KCNMA1: variants seen among roughly 807,000 people sequenced by gnomAD.
KCNMA1 encodes the protein potassium calcium-activated channel subfamily M alpha 1.
In KCNMA1, 29 loss-of-function variants were observed where a neutral mutation model predicts 140.0. The observed-to-expected ratio is 0.21, with a 90% CI of 0.15 to 0.28. The LOEUF (loss-of-function observed/expected upper bound fraction) is 0.28, where lower values mean the gene tolerates loss of function less well. Ranked by LOEUF, KCNMA1 falls within the 10% of genes least tolerant of loss-of-function variation. KCNMA1 has a pLI of 1.00. For missense variants in KCNMA1, 880 were observed against 1,602.2 expected (o/e 0.55, Z 7.70); for synonymous variants, 612 against 611.9 (o/e 1.00, Z 0.00).
intron 13 of KCNMA1, among the ~76,000 whole-genome samples, chr10:77,076,596 T>C (rs903011281): frequency 6.6e-6 from 1 of 152,156 alleles, no homozygotes; most frequent in Non-Finnish European, 1.5e-5. Flanking sequence ...GTGGTGGCCA[T>C]GATTTGTGCC....
At chr10:77,490,554 T>C (rs1276926393) in intron 1 of KCNMA1, among the ~76,000 whole-genome samples, 8 of 152,180 alleles carry the variant, frequency 5.3e-5, no homozygotes, top group Admixed American at 3.9e-4. Flanking sequence ...AACGATAGAG[T>C]GTGTAGAGTG....
At chr10:77,566,298 G>A (rs1241256955) in intron 1 of KCNMA1, among the ~76,000 whole-genome samples, 1 of 152,122 alleles carries the variant, frequency 6.6e-6, no homozygotes, top group Non-Finnish European at 1.5e-5. Flanking sequence ...TGATCTCCCT[G>A]GTCTCCCAGG....
intron 23 of KCNMA1, among the ~76,000 whole-genome samples, chr10:76,922,684 A>T (rs2056307180): frequency 6.6e-6 from 1 of 152,240 alleles, no homozygotes; most frequent in South Asian, 2.1e-4. Context: ...ATGAACCAAG[A>T]GGTGGAGAGA....
chr10:76,917,924 A>G (rs759193220), intron 23 of KCNMA1, among the ~76,000 whole-genome samples: 1 of 152,232 alleles, frequency 6.6e-6, no homozygotes, highest in African/African-American at 2.4e-5. Flanking sequence ...TGGAGAGAAG[A>G]GAAATTCAAG....
chr10:77,514,625 A>G (rs1223252297), intron 1 of KCNMA1, among the ~76,000 whole-genome samples: 5 of 152,196 alleles, frequency 3.3e-5, no homozygotes, highest in African/African-American at 1.2e-4. Flanking sequence ...GTATGCGGAG[A>G]GAGAACCATC....
chr10:77,240,227 T>G (rs571548143), intron 3 of KCNMA1, among the ~76,000 whole-genome samples: 6 of 152,354 alleles, frequency 3.9e-5, no homozygotes, highest in Admixed American at 2.6e-4. Context: ...AGTGTATGTT[T>G]ATGAGCTTCT....
chr10:77,497,320 T>C (rs911860971), intron 1 of KCNMA1, among the ~76,000 whole-genome samples: 11 of 152,230 alleles, frequency 7.2e-5, no homozygotes, highest in Non-Finnish European at 1.2e-4. Context: ...GGTACCTCAG[T>C]AGACATGATG....
chr10:77,188,711 A>G (rs1485588201), intron 3 of KCNMA1, among the ~76,000 whole-genome samples: 1 of 152,230 alleles, frequency 6.6e-6, no homozygotes, highest in Non-Finnish European at 1.5e-5. Flanking sequence ...CTCTTTCCTC[A>G]TCTACTTAGT....
intron 2 of KCNMA1, among the ~76,000 whole-genome samples, chr10:77,350,997 G>A (rs2092806429): frequency 4.6e-5 from 7 of 152,186 alleles, no homozygotes; most frequent in Admixed American, 4.6e-4. Context: ...TGTGCTATAT[G>A]TTGGAGTCTA....
At chr10:77,072,542 G>A (rs182862784) in intron 14 of KCNMA1, among the ~76,000 whole-genome samples, 4 of 152,204 alleles carry the variant, frequency 2.6e-5, no homozygotes, top group Middle Eastern at 3.4e-3. Context: ...CCTGTCTCTC[G>A]GTGCAAAGGG....
intron 14 of KCNMA1, among the ~76,000 whole-genome samples, chr10:77,056,025 A>G (rs1242481736): frequency 6.6e-6 from 1 of 152,182 alleles, no homozygotes; most frequent in Non-Finnish European, 1.5e-5. Flanking sequence ...CAACGCTTTG[A>G]AAACTCAACT....
intron 3 of KCNMA1, among the ~76,000 whole-genome samples, chr10:77,242,049 T>C (rs1057355559): frequency 1.3e-5 from 2 of 152,122 alleles, no homozygotes; most frequent in African/African-American, 4.8e-5. Context: ...AAGCTCATTT[T>C]ACTGCAGACT....
intron 20 of KCNMA1, among the ~76,000 whole-genome samples, chr10:76,961,886 G>C (rs983951901): frequency 6.6e-6 from 1 of 152,198 alleles, no homozygotes; most frequent in Non-Finnish European, 1.5e-5. Context: ...AAAAAAATGT[G>C]TGTTACTTGC....
At chr10:77,427,944 G>A (rs1365892661) in intron 1 of KCNMA1, among the ~76,000 whole-genome samples, 1 of 151,866 alleles carries the variant, frequency 6.6e-6, no homozygotes, top group Non-Finnish European at 1.5e-5. Flanking sequence ...GTAGAGACAG[G>A]GTTTCACCAT....
chr10:77,316,081 G>A (rs2080801507), intron 2 of KCNMA1, among the ~76,000 whole-genome samples: 1 of 152,202 alleles, frequency 6.6e-6, no homozygotes, highest in Non-Finnish European at 1.5e-5. Context: ...TGAGCATTTA[G>A]TGTCTTGAAT....
intron 3 of KCNMA1, among the ~76,000 whole-genome samples, chr10:77,246,917 A>G (rs2154245557): frequency 6.6e-6 from 1 of 152,330 alleles, no homozygotes; most frequent in Admixed American, 6.5e-5. Flanking sequence ...TGCTGATACC[A>G]GAAGCCAAGA....
intron 19 of KCNMA1, among the ~76,000 whole-genome samples, chr10:76,972,007 T>G (rs923218464): frequency 6.7e-6 from 1 of 149,804 alleles, no homozygotes; most frequent in African/African-American, 2.5e-5. Context: ...GTAGGTATGC[T>G]TTCGCACTTT....
At chr10:76,898,060 A>G (rs1252593805) in intron 25 of KCNMA1, among the ~76,000 whole-genome samples, 2 of 151,928 alleles carry the variant, frequency 1.3e-5, no homozygotes, top group African/African-American at 4.8e-5. Context: ...TAATTATGAT[A>G]GAAGCATGTA....
intron 1 of KCNMA1, among the ~76,000 whole-genome samples, chr10:77,630,442 A>G (rs1231793886): frequency 6.6e-6 from 1 of 152,038 alleles, no homozygotes; most frequent in Non-Finnish European, 1.5e-5. Flanking sequence ...CTAAATCCAC[A>G]ACGCTGATGG....
Sources: gnomAD v4.1 joint callset for allele counts (sites outside exome capture counted in the v4.1 genomes callset) on GRCh38, gnomAD v4.1.1 for gene constraint, MANE v1.5 for transcripts, NCBI Gene and HGNC (gene_info 2026-07-23, HGNC 2026-07-21) for gene names.